FBXL17: variants seen among roughly 807,000 people sequenced by gnomAD.
The protein encoded by FBXL17 is F-box/LRR-repeat protein 17.
FBXL17 carries 22 observed loss-of-function variants against 66.2 expected under a neutral mutation model. The ratio of observed to expected loss-of-function variants is 0.33; its 90% CI spans 0.24 to 0.47. The LOEUF is 0.47. Among genes scored for constraint, FBXL17 ranks in the 20% least tolerant of loss-of-function variants. The probability of loss-of-function intolerance (pLI) is 1.00; values close to 1 mark genes in which losing one functional copy is unlikely to be tolerated. For synonymous variants in FBXL17, 474 were observed against 400.5 expected, an observed-to-expected ratio of 1.18 and a Z score of -2.19; for missense variants, 878 against 948.2, an observed-to-expected ratio of 0.93 and a Z score of 0.97.
At chr5:107,901,950 T>C (rs1435816403) in intron 7 of FBXL17, among the ~76,000 whole-genome samples, 1 of 152,208 alleles carries the variant, frequency 6.6e-6, no homozygotes, top group African/African-American at 2.4e-5. Context: ...GTAGCTGCAG[T>C]GTTGCTAGAT....
chr5:107,948,935 G>A (rs1332414088), intron 7 of FBXL17, among the ~76,000 whole-genome samples: 1 of 151,948 alleles, frequency 6.6e-6, no homozygotes, highest in African/African-American at 2.4e-5. Context: ...ACTAAGCTAG[G>A]CACTTCAAAA....
intron 6 of FBXL17, among the ~76,000 whole-genome samples, chr5:108,066,028 A>G (rs573138543): frequency 2.6e-4 from 40 of 152,224 alleles, no homozygotes; most frequent in Non-Finnish European, 2.6e-4. Context: ...AGGTTTATGG[A>G]AGGGATTTTC....
At chr5:107,884,271 C>A (rs953790789) in intron 7 of FBXL17, among the ~76,000 whole-genome samples, 4 of 152,192 alleles carry the variant, frequency 2.6e-5, no homozygotes, top group Non-Finnish European at 5.9e-5. Context: ...CAGGGAGGGT[C>A]TCTCTGATGA....
intron 1 of FBXL17, among the ~76,000 whole-genome samples, chr5:108,371,073 T>C (rs1466846485): frequency 6.6e-6 from 1 of 152,170 alleles, no homozygotes; most frequent in African/African-American, 2.4e-5. Flanking sequence ...GCTATCTTTC[T>C]GGACAAAGGA....
intron 6 of FBXL17, among the ~76,000 whole-genome samples, chr5:108,139,682 G>A (rs1402386969): frequency 2.6e-5 from 4 of 152,160 alleles, no homozygotes; most frequent in Non-Finnish European, 2.9e-5. Flanking sequence ...AAAGAATAAT[G>A]AGAGGATCTC....
At chr5:108,322,869 A>T (rs903886639) in intron 4 of FBXL17, among the ~76,000 whole-genome samples, 10 of 151,926 alleles carry the variant, frequency 6.6e-5, no homozygotes. Context: ...AAAAAGATCG[A>T]GCTCCAAAAT....
chr5:108,193,386 T>C (rs1190451426), intron 5 of FBXL17, among the ~76,000 whole-genome samples: 3 of 152,004 alleles, frequency 2.0e-5, no homozygotes, highest in Non-Finnish European at 4.4e-5. Flanking sequence ...AAAGGGGTGG[T>C]AGCAATAGAT....
At chr5:107,937,315 T>A (rs1750942258) in intron 7 of FBXL17, among the ~76,000 whole-genome samples, 1 of 152,132 alleles carries the variant, frequency 6.6e-6, no homozygotes, top group Non-Finnish European at 1.5e-5. Flanking sequence ...ATCTATTGTG[T>A]GAGCATTCTC....
In FBXL17 at chr5:108,262,078, A is replaced by ATTTTT. The variant is rs1479354239; in HGVS notation, c.1507-37851_1507-37850insAAAAA. On this transcript the variant is annotated intron_variant, in intron 4 of 8. Coordinates refer to ENST00000542267, the MANE Select transcript of FBXL17 (RefSeq NM_001163315.3). ...ATTTTATTTATTTATTTATTTATTT[A>ATTTTT]TTTATTTATTTTTTTTGAGACAGAG... 4.7e-4 allele frequency among the ~76,000 whole-genome samples: 52 copies of ATTTTT among 111,684 alleles called. 1 individual carries two copies. The highest frequency in any genetic ancestry group is 1.8e-3 in the South Asian group (7 of 3,908). The allele number at this position is 111,684 out of a possible 152,430, so 73.3% of individuals were successfully genotyped here.
rs562044372 is a variant in FBXL17, at chr5:108,148,180, CA to C, written c.1745+37936del. ...GAAGGGAGAAAAGAAGTAAGTCTGACAAAAGAGTACATATTGATTACCTATA... is the reference window on the plus strand; with the variant it reads ...GAAGGGAGAAAAGAAGTAAGTCTGACAAAGAGTACATATTGATTACCTATA... On this transcript the variant is annotated intron_variant, in intron 6 of 8. Transcript: ENST00000542267. Among the ~76,000 whole-genome samples, 10 of 152,050 alleles carry C rather than the reference CA, an allele frequency of 6.6e-5. No individual in the cohort carries two copies. The East Asian group carries it at 1.7e-3, about 26-fold the overall frequency.
intron 6 of FBXL17, among the ~76,000 whole-genome samples, chr5:108,027,351 A>T (rs189001790): frequency 6.6e-6 from 1 of 152,180 alleles, no homozygotes; most frequent in African/African-American, 2.4e-5. Context: ...TCTGGCTTTA[A>T]TATTTCAGAT....
intron 1 of FBXL17, among the ~76,000 whole-genome samples, chr5:108,373,471 T>C (rs185957401): frequency 2.9e-4 from 43 of 150,016 alleles, no homozygotes; most frequent in African/African-American, 1.0e-3. Context: ...AATGGTACAC[T>C]AGAAAATATC....
intron 4 of FBXL17, among the ~76,000 whole-genome samples, chr5:108,262,809 G>A (rs1484709185): frequency 6.6e-6 from 1 of 152,208 alleles, no homozygotes; most frequent in African/African-American, 2.4e-5. Context: ...GTTCTGGAAT[G>A]TAAACTTAGT....
At chr5:108,375,276 T>C (rs1749340700) in intron 1 of FBXL17, among the ~76,000 whole-genome samples, 1 of 151,918 alleles carries the variant, frequency 6.6e-6, no homozygotes, top group Non-Finnish European at 1.5e-5. Flanking sequence ...GGAAAGTCAC[T>C]TGAGCCCAGG....
intron 7 of FBXL17, among the ~76,000 whole-genome samples, chr5:107,904,670 T>C (rs964984411): frequency 4.6e-5 from 7 of 152,056 alleles, no homozygotes; most frequent in Non-Finnish European, 1.0e-4. Context: ...CACTGACAGG[T>C]TGGGCTCCTT....
chr5:108,051,799 A>T (rs1580375315), intron 6 of FBXL17, among the ~76,000 whole-genome samples: 1 of 151,834 alleles, frequency 6.6e-6, no homozygotes, highest in South Asian at 2.1e-4. Context: ...ACACATTGAA[A>T]CCTCATCTCC....
chr5:107,878,872 C>T (rs1748693897), intron 8 of FBXL17: 3 of 985,348 alleles, frequency 3.0e-6, no homozygotes, highest in Non-Finnish European at 3.6e-6. Flanking sequence ...CCCTGGGCTG[C>T]ACTGCAGCAG....
At chr5:108,155,431 C>G (rs1408146319) in intron 6 of FBXL17, among the ~76,000 whole-genome samples, 1 of 152,100 alleles carries the variant, frequency 6.6e-6, no homozygotes, top group Non-Finnish European at 1.5e-5. Flanking sequence ...AGGAGAATCA[C>G]TGGAACCCAG....
intron 4 of FBXL17, among the ~76,000 whole-genome samples, chr5:108,250,144 T>C (rs1158126906): frequency 1.3e-5 from 2 of 152,092 alleles, no homozygotes; most frequent in African/African-American, 2.4e-5. Flanking sequence ...ACCAATCAAT[T>C]TTTTCCTTTT....
Sources: allele counts gnomAD v4.1 joint callset (sites outside exome capture counted in the v4.1 genomes callset), GRCh38; gene constraint gnomAD v4.1.1; transcripts MANE v1.5; gene names NCBI Gene and HGNC (gene_info 2026-07-23, HGNC 2026-07-21).